Variants in DDA1 observed in about 807,000 individuals in gnomAD.
DDA1 encodes DET1 and DDB1 associated 1.
Under a neutral mutation model 18.6 loss-of-function variants are expected in DDA1, and 3 were observed. The ratio of observed to expected loss-of-function variants is 0.16; its 90% CI spans 0.07 to 0.42. The LOEUF is 0.42. DDA1 is among the 10% of genes least tolerant of loss of function. The pLI is 0.99. For missense variants in DDA1, 105 were observed against 138.2 expected (o/e 0.76, Z 1.20); for synonymous variants, 52 against 54.0 (o/e 0.96, Z 0.17).
At chr19:17,315,286 C>CTA (rs1555722694) in intron 3 of DDA1, among the ~76,000 whole-genome samples, 1 of 29,214 alleles carries the variant, frequency 3.4e-5, no homozygotes, top group Non-Finnish European at 7.2e-5. Flanking sequence ...TATACACACA[C>CTA]TATATATATA....
At position 17,315,182 on chromosome 19, in the gene DDA1, TGTATACACACAC is replaced by T. The variant is rs1243276144; in HGVS notation, c.137-749_137-738del. 1.1e-3 allele frequency among the ~76,000 whole-genome samples: 41 copies of T among 38,604 alleles called. 8 individuals are homozygous for T. Among genetic ancestry groups the T allele is most frequent in the Admixed American group, 4.3e-3 (28 of 6,566 alleles). 25.3% of individuals were successfully genotyped at this position (38,604 alleles called of 152,430 possible). ...ATACACACGTGTATATACACACACG[TGTATACACACAC>T]GTGTATACACACGTGTATATACACA... On this transcript the variant is annotated intron_variant, in intron 3 of 4. Transcript: ENST00000359866.
chr19:17,315,174 C>CACACACGTGTATATACACACGTGTGTAT lies in DDA1; in HGVS notation c.137-747_137-746insTACACACGTGTGTATACACACGTGTATA, dbSNP rs2074199011. 6.4e-5 allele frequency among the ~76,000 whole-genome samples: 3 copies of CACACACGTGTATATACACACGTGTGTAT among 47,222 alleles called. 1 individual carries two copies. In the East Asian group the frequency reaches 9.2e-4, roughly 15 times the overall value. 31.0% of individuals were successfully genotyped at this position (47,222 alleles called of 152,430 possible). On this transcript the variant is annotated intron_variant, in intron 3 of 4. Coordinates refer to ENST00000359866, the MANE Select transcript of DDA1 (RefSeq NM_024050.6). The stretch of plus-strand genomic sequence containing the variant: ...ACGTATATATACACACGTGTATATA[C>CACACACGTGTATATACACACGTGTGTAT]ACACACGTGTATACACACACGTGTA...
At chr19:17,315,429 C>CATATATATATATATATATATATATATAT (rs56662339) in intron 3 of DDA1, among the ~76,000 whole-genome samples, 35 of 52,010 alleles carry the variant, frequency 6.7e-4, no homozygotes, top group Non-Finnish European at 1.1e-3. Context: ...TGTGTGTGTG[C>CATATATATATATATATATATATATATAT]ATATATATAT....
In DDA1 at chr19:17,314,243, C is replaced by A; in HGVS notation, c.85-95C>A. On this transcript the variant is annotated intron_variant, in intron 2 of 4. Transcript: ENST00000359866. This position sits in a 1 kb window ranked among gnomAD's most constrained non-coding sequence, Gnocchi z 4.6. ...CCCCATCCACATACTTGAGTGTCTT[C>A]CAATCTGCACTGAAGGGTGGGTGCT... is the stretch of plus-strand genomic sequence containing the variant. 1 of 1,570,770 alleles carries A rather than the reference C, an allele frequency of 6.4e-7. No individual in the cohort carries two copies. Among genetic ancestry groups the A allele is most frequent in the Non-Finnish European group, 8.8e-7 (1 of 1,142,196 alleles).
chr19:17,313,880 G>A, intron 1 of DDA1, 143 bp from the exon 2 acceptor site: 3 of 667,080 alleles, frequency 4.5e-6, no homozygotes, highest in Non-Finnish European at 8.0e-6. Flanking sequence ...AGTGTATCCA[G>A]CAGCCAGCTC....
At chr19:17,313,942 C>A (rs1359664232) in intron 1 of DDA1, 81 bp from the exon 2 acceptor site, 4 of 1,154,524 alleles carry the variant, frequency 3.5e-6, no homozygotes, top group African/African-American at 1.5e-5. Flanking sequence ...GAAGAAGGAA[C>A]CCAGCAGTCA....
chr19:17,318,311 A>G (rs1347251003), intron 4 of DDA1, among the ~76,000 whole-genome samples: 1 of 152,138 alleles, frequency 6.6e-6, no homozygotes, highest in Non-Finnish European at 1.5e-5. Context: ...GGCTCACTGT[A>G]ATCTCCGCCT....
rs1568353645 is a variant in DDA1, at chr19:17,315,173, ACACACACGTG to A, written c.137-760_137-751del. 5.4e-3 allele frequency among the ~76,000 whole-genome samples: 279 copies of A among 52,086 alleles called. 54 individuals carry two copies. The highest frequency in any genetic ancestry group is 7.8e-3 in the Middle Eastern group (1 of 128). The allele number at this position is 52,086 out of a possible 152,430, so 34.2% of individuals were successfully genotyped here. A position where few individuals can be genotyped will look rare whatever the true frequency, so the allele number is the denominator to read the frequency against. On this transcript the variant is annotated intron_variant, in intron 3 of 4. Transcript: ENST00000359866. ...CACGTATATATACACACGTGTATAT[ACACACACGTG>A]TATACACACACGTGTATACACACGT... is the stretch of plus-strand genomic sequence containing the variant.
At position 17,319,854 on chromosome 19, in the gene DDA1, C is replaced by A; in HGVS notation, c.*198C>A. The A allele has an allele frequency of 5.3e-6, 3 of 561,286 alleles. No homozygotes were observed. The highest frequency in any genetic ancestry group is 9.5e-6 in the Non-Finnish European group (3 of 315,668). The allele number at this position is 561,286 out of a possible 1,614,324, so 34.8% of individuals were successfully genotyped here. On this transcript the variant is annotated 3_prime_UTR_variant, in exon 5 of 5. Coordinates refer to ENST00000359866, the MANE Select transcript of DDA1 (RefSeq NM_024050.6). ...TATTTATGCTGTAACCTGTATCAAGCGTTGGTTAAAGGGGACATCAGACCC... is the reference window on the plus strand; with the variant it reads ...TATTTATGCTGTAACCTGTATCAAGAGTTGGTTAAAGGGGACATCAGACCC...
At chr19:17,315,236 C>T (rs1429378289) in intron 3 of DDA1, among the ~76,000 whole-genome samples, 1 of 68,350 alleles carries the variant, frequency 1.5e-5, no homozygotes, top group Non-Finnish European at 3.0e-5. Flanking sequence ...TATACACACA[C>T]ACGTGTATAT....
chr19:17,315,284 C>CGTGT, intron 3 of DDA1, among the ~76,000 whole-genome samples: 1 of 44,068 alleles, frequency 2.3e-5, no homozygotes, highest in African/African-American at 1.5e-4. Context: ...TATATACACA[C>CGTGT]ACTATATATA....
chr19:17,309,797 G>T, intron 1 of DDA1, 140 bp downstream of exon 1: 5 of 1,140,612 alleles, frequency 4.4e-6, no homozygotes, highest in Non-Finnish European at 6.1e-6. Context: ...CCACTCACCT[G>T]TGACCTTCGA....
Position 17,321,425 on chromosome 19 carries a change from AT to A in DDA1, c.*1770del, listed in dbSNP as rs2145680087. The stretch of plus-strand genomic sequence containing the variant: ...GTGACCGCACCTGGCTGCCTGGCTA[AT>A]ATTTTAAAAATTTTTTGTAGAGACA... On this transcript the variant is annotated 3_prime_UTR_variant, in exon 5 of 5. Transcript: ENST00000359866. 1 of 151,956 alleles carries A rather than the reference AT, an allele frequency of 6.6e-6. No individual in the cohort carries two copies. Among genetic ancestry groups the A allele is most frequent in the Admixed American group, 6.6e-5 (1 of 15,256 alleles). The allele number at this position is 151,956 out of a possible 1,614,324, so 9.4% of individuals were successfully genotyped here. A position where few individuals can be genotyped will look rare whatever the true frequency, so the allele number is the denominator to read the frequency against.
At chr19:17,315,422 G>GCATATATA (rs2074207352) in intron 3 of DDA1, among the ~76,000 whole-genome samples, 1 of 58,910 alleles carries the variant, frequency 1.7e-5, no homozygotes, top group African/African-American at 1.3e-4. Flanking sequence ...GTGTGTGTGT[G>GCATATATA]TGTGTGCATA....
intron 3 of DDA1, among the ~76,000 whole-genome samples, chr19:17,315,377 ACG>A (rs1491360155): frequency 1.2e-4 from 10 of 86,742 alleles, no homozygotes; most frequent in Non-Finnish European, 1.8e-4. Flanking sequence ...ATATATACAC[ACG>A]TATATATATA....
Position 17,309,577 on chromosome 19 carries a change from C to T in DDA1, c.-78C>T, listed in dbSNP as rs1315775746. On this transcript the variant is annotated 5_prime_UTR_variant, in exon 1 of 5. Transcript: ENST00000359866. ...GCCGTGGCTGGAAGTTACTGTGAGGCGGCGGCTAAGAAGGCGGCTCTGGTG... is the reference window on the plus strand; with the variant it reads ...GCCGTGGCTGGAAGTTACTGTGAGGTGGCGGCTAAGAAGGCGGCTCTGGTG... 5.5e-6 allele frequency: 8 copies of T among 1,449,226 alleles called. No homozygotes were observed. The Admixed American group carries it at 1.0e-4, about 19-fold the overall frequency. The allele number at this position is 1,449,226 out of a possible 1,614,324, so 89.8% of individuals were successfully genotyped here. A position where few individuals can be genotyped will look rare whatever the true frequency, so the allele number is the denominator to read the frequency against.
intron 3 of DDA1, among the ~76,000 whole-genome samples, chr19:17,315,128 T>C (rs1485409746): frequency 4.6e-5 from 4 of 87,432 alleles, no homozygotes; most frequent in African/African-American, 2.4e-4. Flanking sequence ...CACGTATATA[T>C]ACACACATAT....
At chr19:17,315,556 G>T (rs1040989936) in intron 3 of DDA1, among the ~76,000 whole-genome samples, 5 of 151,510 alleles carry the variant, frequency 3.3e-5, no homozygotes, top group Admixed American at 6.6e-5. Context: ...CAGCCTGGGT[G>T]ACAAGAGTGA....
chr19:17,315,271 G>C (rs1383953079), intron 3 of DDA1, among the ~76,000 whole-genome samples: 1 of 56,140 alleles, frequency 1.8e-5, no homozygotes, highest in Non-Finnish European at 3.7e-5. Flanking sequence ...ATACACACAC[G>C]TGTATATACA....
Sources: gnomAD v4.1 joint callset for allele counts (sites outside exome capture counted in the v4.1 genomes callset) on GRCh38, gnomAD v4.1.1 for gene constraint, Gnocchi (gnomAD v3.1) non-coding constraint, MANE v1.5 for transcripts, NCBI Gene and HGNC (gene_info 2026-07-23, HGNC 2026-07-21) for gene names.